The following MFF variants were observed in gnomAD, a reference collection of about 807,000 sequenced individuals.
MFF encodes the protein chromosome 2 open reading frame 33.
Under a neutral mutation model 36.9 loss-of-function variants are expected in MFF, and 12 were observed. The ratio of observed to expected loss-of-function variants is 0.33; its 90% CI spans 0.21 to 0.53. MFF has a LOEUF of 0.53. MFF is among the 20% of genes least tolerant of loss of function. The pLI, the probability that MFF is intolerant of heterozygous loss-of-function variation, is 0.95. For missense variants in MFF, 348 were observed against 366.6 expected (o/e 0.95, Z 0.42); for synonymous variants, 99 against 126.2 (o/e 0.78, Z 1.44).
At position 227,332,057 on chromosome 2, in the gene MFF, C is replaced by T. The variant is rs1485970763; in HGVS notation, c.182-362C>T. On this transcript the variant is annotated intron_variant, in intron 3 of 8. Transcript: ENST00000304593. ...CGGGATCTCGGCTCACTGCAAGCTCCGCCTCCCGGGTTCACGCCATTCTCC... is the reference window on the plus strand; with the variant it reads ...CGGGATCTCGGCTCACTGCAAGCTCTGCCTCCCGGGTTCACGCCATTCTCC... 2.8e-3 allele frequency among the ~76,000 whole-genome samples: 402 copies of T among 144,538 alleles called. 3 individuals carry two copies. The highest frequency in any genetic ancestry group is 9.8e-3 in the African/African-American group (381 of 38,760). The allele number at this position is 144,538 out of a possible 152,430, so 94.8% of individuals were successfully genotyped here. A position where few individuals can be genotyped will look rare whatever the true frequency, so the allele number is the denominator to read the frequency against.
chr2:227,340,271 CCT>C lies in MFF; in HGVS notation c.352-16_352-15del. ...TACTAAGAATATTTCTATTTCCTTC[CCT>C]CTCTTTGTGCCTTAACAGATCCGAG... On this transcript the variant is annotated intron_variant, in intron 4 of 8. Coordinates refer to ENST00000304593, the MANE Select transcript of MFF (RefSeq NM_001277062.2). The C allele has an allele frequency of 1.3e-6, 2 of 1,578,044 alleles. No homozygotes were observed. Among genetic ancestry groups the C allele is most frequent in the African/African-American group, 1.4e-5 (1 of 72,512 alleles).
At chr2:227,356,907 A>G in intron 8 of MFF, 79 bp from the exon 9 acceptor site, 12 of 1,111,658 alleles carry the variant, frequency 1.1e-5, no homozygotes, top group Middle Eastern at 2.1e-4. Flanking sequence ...TTATTATACT[A>G]CTTACTTTAT....
intron 7 of MFF, among the ~76,000 whole-genome samples, chr2:227,353,827 A>G (rs971360222): frequency 6.6e-6 from 1 of 152,146 alleles, no homozygotes; most frequent in African/African-American, 2.4e-5. Context: ...TTTCATTTGT[A>G]CTTCATTCTG....
At position 227,357,055 on chromosome 2, in the gene MFF, G is replaced by C; in HGVS notation, c.814G>C (p.Val272Leu). The change falls in exon 9 of 9, where the codon GTC becomes CTC. Residue 272 changes from valine to leucine, a missense_variant. Physicochemically the swap from Val to Leu is conservative, Grantham distance 32 (BLOSUM62 1). Coordinates refer to ENST00000304593, the MANE Select transcript of MFF (RefSeq NM_001277062.2). ...CAAAGAACGTGCTAAAAGAGAAATG[G>C]TCATGTATTCAATTACTGTAGCTTT... ...ENKERAKREM[V>L]MYSITVAFWL... The C allele has an allele frequency of 3.1e-6, 5 of 1,612,828 alleles. No homozygotes were observed. The highest frequency in any genetic ancestry group is 4.2e-6 in the Non-Finnish European group (5 of 1,179,930).
chr2:227,336,099 A>G (rs2074981565), intron 4 of MFF, among the ~76,000 whole-genome samples: 1 of 152,224 alleles, frequency 6.6e-6, no homozygotes, highest in South Asian at 2.1e-4. Flanking sequence ...GTGGGGAAGG[A>G]TCTTCCAGAG....
In MFF at chr2:227,347,279, A is replaced by G; in HGVS notation, c.494A>G (p.Glu165Gly). 1 of 1,613,752 alleles carries G rather than the reference A, an allele frequency of 6.2e-7. No homozygotes were observed. Reference sequence around the variant, plus strand: ...GTCTGTCCTCCCCATATGTTACCTGAAGATGGAGCTAATCTTTCCTCTGCT... The same window carrying G: ...GTCTGTCCTCCCCATATGTTACCTGGAGATGGAGCTAATCTTTCCTCTGCT... The part of the protein sequence containing the change: ...ARVCPPHMLP[E>G]DGANLSSARG... Residue 165 changes from glutamate to glycine, a missense_variant, in exon 6 of 9, where the codon GAA becomes GGA. Coordinates refer to ENST00000304593, the MANE Select transcript of MFF (RefSeq NM_001277062.2).
Position 227,332,431 on chromosome 2 carries a change from A to T in MFF, c.194A>T (p.Asp65Val). The T allele has an allele frequency of 6.2e-7, 1 of 1,604,492 alleles. No homozygotes were observed. Among genetic ancestry groups the T allele is most frequent in the Non-Finnish European group, 8.5e-7 (1 of 1,177,062 alleles). ...ERIVVAGNNE[D>V]VSFSRPADLD... The stretch of plus-strand genomic sequence containing the variant: ...TGAAAACTCCTAGGAAATAATGAAG[A>T]TGTTTCATTTTCAAGACCAGCAGAT... Residue 65 changes from aspartate to valine, a missense_variant, in exon 4 of 9, where the codon GAT becomes GTT. Physicochemically the swap from Asp to Val is radical, Grantham distance 152. Transcript: ENST00000304593.
At chr2:227,351,925 G>C (rs1303067942) in intron 6 of MFF, 1 of 152,354 alleles carries the variant, frequency 6.6e-6, no homozygotes, top group Non-Finnish European at 1.5e-5. Flanking sequence ...CTTCAGAGTG[G>C]AGGCTTGCAT....
intron 5 of MFF, among the ~76,000 whole-genome samples, chr2:227,342,573 C>T (rs527981708): frequency 4.6e-5 from 7 of 152,098 alleles, no homozygotes; most frequent in Admixed American, 1.3e-4. Flanking sequence ...AAAGTGCGAA[C>T]GGGTATGAGA....
chr2:227,342,937 G>T, intron 5 of MFF: 6 of 768,748 alleles, frequency 7.8e-6, no homozygotes, highest in East Asian at 2.9e-5. Flanking sequence ...CTTCCTGTTT[G>T]GCTTTTTAGT....
rs59843055 is a variant in MFF at position 227,355,987 on chromosome 2, CAAA to C, written c.744+227_744+229del. On this transcript the variant is annotated intron_variant, in intron 8 of 8. Transcript: ENST00000304593. ...AGATTAATGTAATTCTGGCCAGTAA[CAAA>C]GAATCTTTAGCAAACCAGTACAGCC... Among the ~76,000 whole-genome samples the C allele has an allele frequency of 0.16, 24,014 of 152,106 alleles. 2,020 individuals are homozygous for C. The highest frequency in any genetic ancestry group is 0.22 in the African/African-American group (8,932 of 41,444).
chr2:227,327,652 A>G (rs1026964317), intron 1 of MFF, among the ~76,000 whole-genome samples: 1 of 152,238 alleles, frequency 6.6e-6, no homozygotes, highest in African/African-American at 2.4e-5. Context: ...ATGTTGCTAT[A>G]GAATGGAATA....
chr2:227,347,447 G>T, intron 6 of MFF, 63 bp downstream of exon 6: 1 of 1,372,346 alleles, frequency 7.3e-7, no homozygotes, highest in South Asian at 1.2e-5. Flanking sequence ...TTGTTTAGTG[G>T]ACTGTGGTGT....
In MFF at chr2:227,347,288, C is replaced by G; in HGVS notation, c.503C>G (p.Ala168Gly). 1 of 1,613,654 alleles carries G rather than the reference C, an allele frequency of 6.2e-7. No individual in the cohort carries two copies. Among genetic ancestry groups the G allele is most frequent in the African/African-American group, 1.3e-5 (1 of 75,006 alleles). Residue 168 changes from alanine to glycine, a missense_variant, in exon 6 of 9, where the codon GCT becomes GGT. Ala to Gly is a moderately conservative substitution (Grantham distance 60, BLOSUM62 0). Coordinates refer to ENST00000304593, the MANE Select transcript of MFF (RefSeq NM_001277062.2). The part of the protein sequence containing the change: ...CPPHMLPEDG[A>G]NLSSARGILS... ...CCCCATATGTTACCTGAAGATGGAG[C>G]TAATCTTTCCTCTGCTCGTGGCATT...
chr2:227,340,399 A>G lies in MFF; in HGVS notation c.440+19A>G, dbSNP rs2075326183. ...ATTCTCTGTGAGTAGAAGCACTAGC[A>G]TTTTATCTCGTTTGTAAGTTTTCTC... is the stretch of plus-strand genomic sequence containing the variant. On this transcript the variant is annotated intron_variant, in intron 5 of 8. Coordinates refer to ENST00000304593, the MANE Select transcript of MFF (RefSeq NM_001277062.2). 1.0e-5 allele frequency: 15 copies of G among 1,429,026 alleles called. No homozygotes were observed. The highest frequency in any genetic ancestry group is 1.8e-5 in the African/African-American group (1 of 55,674). 88.5% of individuals were successfully genotyped at this position (1,429,026 alleles called of 1,614,324 possible).
Position 227,346,864 on chromosome 2 carries a change from G to A in MFF, c.441-362G>A, listed in dbSNP as rs531867807. 4 of 164,168 alleles carry A rather than the reference G, an allele frequency of 2.4e-5. No individual in the cohort carries two copies. The East Asian group carries it at 6.7e-4, about 28-fold the overall frequency. The allele number at this position is 164,168 out of a possible 1,614,324, so 10.2% of individuals were successfully genotyped here. A position where few individuals can be genotyped will look rare whatever the true frequency, so the allele number is the denominator to read the frequency against. On this transcript the variant is annotated intron_variant, in intron 5 of 8. Transcript: ENST00000304593. ...TCTAATCATCCATAAGTCGACAGCAGTGTTGTTTCTTAGAAGTTGGTTTAT... is the reference window on the plus strand; with the variant it reads ...TCTAATCATCCATAAGTCGACAGCAATGTTGTTTCTTAGAAGTTGGTTTAT...
At position 227,325,270 on chromosome 2, in the gene MFF, C is replaced by A. The variant is rs2073998542; in HGVS notation, c.-310C>A. On this transcript the variant is annotated 5_prime_UTR_variant, in exon 1 of 9. Transcript: ENST00000304593. The stretch of plus-strand genomic sequence containing the variant: ...GCTCCCAGAAGGGGCCAGCCCGCGC[C>A]TTTCGCGCTTCTGCCCTGGCCCTCT... The A allele has an allele frequency of 1.3e-5, 2 of 152,942 alleles. No individual in the cohort carries two copies. The highest frequency in any genetic ancestry group is 2.9e-5 in the Non-Finnish European group (2 of 68,434). The allele number at this position is 152,942 out of a possible 1,614,324, so 9.5% of individuals were successfully genotyped here.
intron 5 of MFF, among the ~76,000 whole-genome samples, chr2:227,342,297 A>G (rs760931099): frequency 7.2e-5 from 11 of 152,058 alleles, no homozygotes; most frequent in Non-Finnish European, 1.3e-4. Flanking sequence ...TTCTTTTCCT[A>G]CTGTTGTTAA....
chr2:227,347,682 A>G lies in MFF; in HGVS notation c.599+298A>G, dbSNP rs559303735. Among the ~76,000 whole-genome samples the G allele has an allele frequency of 3.9e-5, 6 of 152,322 alleles. No homozygotes were observed. The East Asian group carries it at 1.2e-3, about 29-fold the overall frequency. The stretch of plus-strand genomic sequence containing the variant: ...CTTGATTCCACTTAGGGATATGCCA[A>G]GGGGCCCCGTCCCATTGGATTGAGT... On this transcript the variant is annotated intron_variant, in intron 6 of 8. Coordinates refer to ENST00000304593, the MANE Select transcript of MFF (RefSeq NM_001277062.2).
Sources: gnomAD v4.1 joint callset for allele counts (sites outside exome capture counted in the v4.1 genomes callset) on GRCh38, gnomAD v4.1.1 for gene constraint, MANE v1.5 for transcripts, NCBI Gene and HGNC (gene_info 2026-07-23, HGNC 2026-07-21) for gene names.